Variants in EPHA6 observed in about 807,000 individuals in gnomAD.
EPHA6 encodes the protein ephrin type-A receptor 6.
Under a neutral mutation model 112.0 loss-of-function variants are expected in EPHA6, and 50 were observed. The ratio of observed to expected loss-of-function variants is 0.45; its 90% CI spans 0.36 to 0.56. EPHA6 has a LOEUF of 0.56. Among genes scored for constraint, EPHA6 ranks in the 20% least tolerant of loss-of-function variants. The probability of loss-of-function intolerance (pLI) is 0.00; values close to 1 mark genes in which losing one functional copy is unlikely to be tolerated. For synonymous variants in EPHA6, 529 were observed against 490.7 expected (o/e 1.08, Z -1.03); for missense variants, 1,280 against 1,417.4 (o/e 0.90, Z 1.56).
intron 3 of EPHA6, among the ~76,000 whole-genome samples, chr3:97,073,491 T>G (rs2046421875): frequency 6.6e-6 from 1 of 152,106 alleles, no homozygotes; most frequent in African/African-American, 2.4e-5. Flanking sequence ...TTACACAACG[T>G]GTGTTAGAAT....
chr3:97,161,015 G>A (rs906094287), intron 3 of EPHA6, among the ~76,000 whole-genome samples: 1 of 152,156 alleles, frequency 6.6e-6, no homozygotes, highest in South Asian at 2.1e-4. Flanking sequence ...GGGATCATGG[G>A]TATTTGAGCC....
chr3:97,540,193 C>T (rs1422286642), intron 11 of EPHA6, among the ~76,000 whole-genome samples: 1 of 152,190 alleles, frequency 6.6e-6, no homozygotes, highest in Non-Finnish European at 1.5e-5. Flanking sequence ...AACCTTAATA[C>T]TTTTTGCTGT....
chr3:97,666,808 C>A (rs1041325294), intron 14 of EPHA6, among the ~76,000 whole-genome samples: 12 of 152,214 alleles, frequency 7.9e-5, no homozygotes, highest in African/African-American at 2.6e-4. Context: ...AGATCAGAAC[C>A]AATGAGAGGT....
At chr3:97,426,886 T>C (rs898495624) in intron 6 of EPHA6, among the ~76,000 whole-genome samples, 6 of 152,100 alleles carry the variant, frequency 3.9e-5, no homozygotes, top group Non-Finnish European at 8.8e-5. Flanking sequence ...GCAAAGGACA[T>C]GAACAGATAC....
chr3:97,517,135 A>C (rs1259018907), intron 10 of EPHA6, among the ~76,000 whole-genome samples: 2 of 152,154 alleles, frequency 1.3e-5, no homozygotes, highest in African/African-American at 4.8e-5. Flanking sequence ...AGACAAGTTC[A>C]AAATGATATT....
chr3:96,934,313 G>A (rs890198304), intron 2 of EPHA6, among the ~76,000 whole-genome samples: 1 of 151,476 alleles, frequency 6.6e-6, no homozygotes, highest in African/African-American at 2.4e-5. Context: ...TGTTTTTAGA[G>A]TTTATTCTTT....
At chr3:97,271,444 C>T (rs372754556) in intron 5 of EPHA6, among the ~76,000 whole-genome samples, 91 of 152,314 alleles carry the variant, frequency 6.0e-4, no homozygotes, top group African/African-American at 2.1e-3. Flanking sequence ...CTGCAACCTC[C>T]GCTCCTGGGT....
chr3:96,861,864 A>G (rs2036027774), intron 1 of EPHA6, among the ~76,000 whole-genome samples: 2 of 151,992 alleles, frequency 1.3e-5, no homozygotes, highest in Non-Finnish European at 2.9e-5. Flanking sequence ...TTTATCTTAA[A>G]ATATTCCAAG....
intron 16 of EPHA6, among the ~76,000 whole-genome samples, chr3:97,736,784 G>GA (rs200261204): frequency 5.3e-5 from 8 of 149,698 alleles, no homozygotes; most frequent in East Asian, 2.0e-4. Flanking sequence ...AGGAAGAGTA[G>GA]AAAAAAAAAG....
At chr3:97,170,524 G>A (rs9852576) in intron 3 of EPHA6, among the ~76,000 whole-genome samples, 7 of 151,946 alleles carry the variant, frequency 4.6e-5, no homozygotes, top group Non-Finnish European at 1.0e-4. Flanking sequence ...ACCACCTGAG[G>A]TCAGGAGCTC....
chr3:97,472,361 A>G (rs756598965), intron 7 of EPHA6, among the ~76,000 whole-genome samples: 3 of 151,754 alleles, frequency 2.0e-5, no homozygotes, highest in Non-Finnish European at 3.0e-5. Context: ...CCAGAAAAAA[A>G]AGTGCTTCCC....
chr3:97,512,872 G>A (rs1174956467), intron 10 of EPHA6, among the ~76,000 whole-genome samples: 6 of 152,080 alleles, frequency 3.9e-5, no homozygotes, highest in African/African-American at 1.4e-4. Context: ...GCCCAATACT[G>A]ATTGTTTTTA....
intron 3 of EPHA6, among the ~76,000 whole-genome samples, chr3:97,084,340 C>A (rs2046826849): frequency 6.6e-6 from 1 of 151,516 alleles, no homozygotes; most frequent in Non-Finnish European, 1.5e-5. Flanking sequence ...ATAACACACA[C>A]ACACAGACAT....
chr3:97,646,194 G>A (rs301948), intron 14 of EPHA6: 888,326 of 1,533,012 alleles, frequency 0.58, 258,317 homozygotes, highest in East Asian at 0.68. Flanking sequence ...TGAGCAGTGC[G>A]AGTCCAGCTC....
intron 11 of EPHA6, among the ~76,000 whole-genome samples, chr3:97,588,972 A>G (rs1219861604): frequency 1.3e-5 from 2 of 152,148 alleles, no homozygotes; most frequent in African/African-American, 4.8e-5. Context: ...CAACATAGAG[A>G]TATTTAAGGG....
chr3:97,324,741 T>C (rs1276302980), intron 5 of EPHA6, among the ~76,000 whole-genome samples: 1 of 151,946 alleles, frequency 6.6e-6, no homozygotes, highest in Non-Finnish European at 1.5e-5. Context: ...GGTTTCACCA[T>C]GTTGGTCAGG....
At chr3:97,307,885 T>C (rs1215064184) in intron 5 of EPHA6, among the ~76,000 whole-genome samples, 1 of 151,800 alleles carries the variant, frequency 6.6e-6, no homozygotes, top group Admixed American at 6.6e-5. Context: ...ACTGAGATTT[T>C]CAACTGCACA....
At chr3:96,830,396 T>G (rs993009231) in intron 1 of EPHA6, among the ~76,000 whole-genome samples, 1 of 152,128 alleles carries the variant, frequency 6.6e-6, no homozygotes, top group African/African-American at 2.4e-5. Flanking sequence ...TTTTCAACTG[T>G]GTATATTAAT....
chr3:97,529,842 C>T (rs1313712245), intron 10 of EPHA6, among the ~76,000 whole-genome samples: 3 of 151,962 alleles, frequency 2.0e-5, no homozygotes, highest in Non-Finnish European at 2.9e-5. Context: ...GAAGAAAACA[C>T]CTGCCTGGTG....
Sources: allele counts gnomAD v4.1 joint callset (sites outside exome capture counted in the v4.1 genomes callset), GRCh38; gene constraint gnomAD v4.1.1; transcripts MANE v1.5; gene names NCBI Gene and HGNC (gene_info 2026-07-23, HGNC 2026-07-21).